The following GALC variants were observed in gnomAD, a reference collection of about 807,000 sequenced individuals.
GALC encodes the protein galactosylceramidase.
A neutral mutation model predicts 91.8 loss-of-function variants in GALC; 77 were observed. The ratio of observed to expected loss-of-function variants is 0.84; its 90% confidence interval spans 0.70 to 1.01. GALC has a LOEUF of 1.01. GALC is among the 50% of genes least tolerant of loss of function. GALC has a pLI of 0.00. For synonymous variants in GALC, 357 were observed against 306.7 expected (o/e 1.16, Z -1.71); for missense variants, 882 against 855.9 (o/e 1.03, Z -0.38).
At chr14:87,967,886 T>C (rs75338736) in intron 8 of GALC, among the ~76,000 whole-genome samples, 2 of 152,256 alleles carry the variant, frequency 1.3e-5, no homozygotes, top group East Asian at 1.9e-4. Flanking sequence ...AATGACATTT[T>C]TGGGAAACAA....
intron 10 of GALC, among the ~76,000 whole-genome samples, chr14:87,960,607 T>C (rs1439270425): frequency 6.6e-6 from 1 of 152,180 alleles, no homozygotes; most frequent in Non-Finnish European, 1.5e-5. Context: ...TAAGACAGTG[T>C]GGTGCTCACG....
chr14:87,970,223 G>A (rs566113953), intron 7 of GALC, among the ~76,000 whole-genome samples: 1 of 152,064 alleles, frequency 6.6e-6, no homozygotes, highest in South Asian at 2.1e-4. Context: ...TTGTCTAGTT[G>A]CCAAATGCAT....
At chr14:87,958,257 A>C (rs2139980945) in intron 10 of GALC, among the ~76,000 whole-genome samples, 1 of 152,326 alleles carries the variant, frequency 6.6e-6, no homozygotes, top group Non-Finnish European at 1.5e-5. Flanking sequence ...AAGGGAACAG[A>C]GCAACAAGGG....
Position 87,950,692 on chromosome 14 carries a change from T to C in GALC, c.1218A>G (p.Gln406=). Residue 406 remains glutamine (Q), a synonymous_variant, in exon 11 of 17, where the codon CAA becomes CAG. Coordinates refer to ENST00000261304, the MANE Select transcript of GALC (RefSeq NM_000153.4). The part of the protein sequence containing the change: ...RPFLPYFNVS[Q]QFATFVLKGS... ...CCTTAAGAACAAAGGTGGCAAATTG[T>C]TGTGACACATTGAAATAAGGAAGAA... 6.2e-7 allele frequency: 1 copy of C among 1,608,380 alleles called. No individual in the cohort carries two copies.
At chr14:87,973,266 T>C (rs1886368723) in intron 7 of GALC, among the ~76,000 whole-genome samples, 1 of 152,168 alleles carries the variant, frequency 6.6e-6, no homozygotes, top group African/African-American at 2.4e-5. Flanking sequence ...ATTTAATAGA[T>C]AATTACACTT....
Position 87,939,908 on chromosome 14 carries a change from A to G in GALC, c.1908T>C (p.Ile636=), listed in dbSNP as rs747668350. ...AKKWYTLTLT[I]KGHFTSGMLN... ...GACTCCAATCAGCAATACTTACCTT[A>G]ATAGTTAACGTGAGTGTATACCATT... The change falls in exon 16 of 17, where the codon ATT becomes ATC. Residue 636 remains isoleucine, a synonymous_variant. Coordinates refer to ENST00000261304, the MANE Select transcript of GALC (RefSeq NM_000153.4). 13 of 1,600,850 alleles carry G rather than the reference A, an allele frequency of 8.1e-6. No individual in the cohort carries two copies.
At chr14:87,939,493 C>T (rs1884738727) in intron 16 of GALC, among the ~76,000 whole-genome samples, 1 of 151,748 alleles carries the variant, frequency 6.6e-6, no homozygotes. Context: ...TTCATGGAAA[C>T]CAATTTCTAA....
chr14:87,957,621 C>T (rs1426276305), intron 10 of GALC, among the ~76,000 whole-genome samples: 1 of 152,080 alleles, frequency 6.6e-6, no homozygotes, highest in Non-Finnish European at 1.5e-5. Flanking sequence ...TGATACATGA[C>T]TGCTAGATCT....
At chr14:87,959,205 T>C (rs192530985) in intron 10 of GALC, among the ~76,000 whole-genome samples, 1 of 152,054 alleles carries the variant, frequency 6.6e-6, no homozygotes, top group Admixed American at 6.5e-5. Context: ...AAATGGCCAA[T>C]GGGTACATGA....
chr14:87,951,595 A>G (rs191917566), intron 10 of GALC, among the ~76,000 whole-genome samples: 1 of 152,068 alleles, frequency 6.6e-6, no homozygotes, highest in Admixed American at 6.6e-5. Flanking sequence ...TGATCCATAA[A>G]GCAAGTCCTC....
At chr14:87,944,180 A>G (rs923258004) in intron 14 of GALC, among the ~76,000 whole-genome samples, 2 of 151,982 alleles carry the variant, frequency 1.3e-5, no homozygotes, top group Admixed American at 1.3e-4. Context: ...ATTCAAATAT[A>G]TGAAGATCTG....
intron 3 of GALC, among the ~76,000 whole-genome samples, chr14:87,987,465 A>G (rs1278138719): frequency 6.6e-6 from 1 of 152,240 alleles, no homozygotes; most frequent in Non-Finnish European, 1.5e-5. Context: ...CTTTTTCTTC[A>G]ACATAAACAC....
chr14:87,993,612 G>T, upstream of GALC: 1 of 728,766 alleles, frequency 1.4e-6, no homozygotes, highest in Admixed American at 2.4e-5. Flanking sequence ...CCTTATGTGA[G>T]ATGAGGCGAG....
At chr14:87,992,401 C>T (rs78187751) in intron 1 of GALC, 214,937 of 1,535,520 alleles carry the variant, frequency 0.14, 16,302 homozygotes, top group Middle Eastern at 0.16. Flanking sequence ...CTTGAGGCAC[C>T]AGTCCTGCCT....
chr14:87,993,092 C>G lies in GALC; in HGVS notation c.73G>C (p.Gly25Arg). Residue 25 changes from glycine to arginine, a missense_variant, in exon 1 of 17, where the codon GGC becomes CGC. Physicochemically the swap from Gly to Arg is moderately radical, Grantham distance 125. Coordinates refer to ENST00000261304, the MANE Select transcript of GALC (RefSeq NM_000153.4). ...KAMTAAAGSA[G>R]RAAVPLLLCA... ...AGCAGCAAGGGCACCGCGGCGCGGC[C>G]CGCCGAACCCGCGGCCGCAGTCATA... 6.3e-7 allele frequency: 1 copy of G among 1,585,398 alleles called. No individual in the cohort carries two copies. Among genetic ancestry groups the G allele is most frequent in the African/African-American group, 1.3e-5 (1 of 74,638 alleles).
intron 14 of GALC, among the ~76,000 whole-genome samples, chr14:87,942,810 A>G (rs1410330774): frequency 6.6e-6 from 1 of 152,024 alleles, no homozygotes; most frequent in Non-Finnish European, 1.5e-5. Context: ...GCAGAGCTGG[A>G]CTACTTTACA....
chr14:87,992,492 G>A, intron 1 of GALC: 6 of 1,532,366 alleles, frequency 3.9e-6, no homozygotes, highest in South Asian at 2.4e-5. Flanking sequence ...GGGACTTAAC[G>A]ACTCCACCAC....
At chr14:87,980,504 CCT>C in intron 6 of GALC, 2 of 982,548 alleles carry the variant, frequency 2.0e-6, no homozygotes, top group Non-Finnish European at 2.4e-6. Context: ...TATCCCTTTA[CCT>C]CTCAATCTTC....
At chr14:87,943,099 T>C (rs966503538) in intron 14 of GALC, among the ~76,000 whole-genome samples, 1 of 152,084 alleles carries the variant, frequency 6.6e-6, no homozygotes, top group African/African-American at 2.4e-5. Flanking sequence ...GCATCAGAAC[T>C]TGCCAGGCAA....
Sources: gnomAD v4.1 joint callset for allele counts (sites outside exome capture counted in the v4.1 genomes callset) on GRCh38, gnomAD v4.1.1 for gene constraint, MANE v1.5 for transcripts, NCBI Gene and HGNC (gene_info 2026-07-23, HGNC 2026-07-21) for gene names.